Variants in TENM3 observed in about 807,000 individuals in gnomAD.
TENM3 encodes teneurin-3.
Under a neutral mutation model 255.1 loss-of-function variants are expected in TENM3, and 63 were observed. That is an observed-to-expected ratio of 0.25 (90% CI 0.20 to 0.30). The LOEUF is 0.30. Among genes scored for constraint, TENM3 ranks in the 10% least tolerant of loss-of-function variants. The probability of loss-of-function intolerance (pLI) is 1.00; values close to 1 mark genes in which losing one functional copy is unlikely to be tolerated. For synonymous variants in TENM3, 1,306 were observed against 1,322.3 expected (o/e 0.99, Z 0.27); for missense variants, 2,929 against 3,461.1 (o/e 0.85, Z 3.86).
chr4:182,393,832 T>C (rs1050453585), intron 3 of TENM3, among the ~76,000 whole-genome samples: 38 of 152,314 alleles, frequency 2.5e-4, no homozygotes, highest in African/African-American at 8.9e-4. Flanking sequence ...ACCTCTAATA[T>C]GCATTAACAG....
intron 1 of TENM3, among the ~76,000 whole-genome samples, chr4:182,156,380 CA>C (rs1272643962): frequency 1.3e-5 from 2 of 151,796 alleles, no homozygotes; most frequent in Non-Finnish European, 2.9e-5. Context: ...ATTTTAGATT[CA>C]GGGGTGCACA....
At chr4:182,012,940 A>G in the TENM3 span, 1 of 151,802 alleles carries the variant, frequency 6.6e-6, no homozygotes, top group Non-Finnish European at 1.5e-5. Flanking sequence ...CTTTTTTTTT[A>G]GAGCCCGTTT....
intron 3 of TENM3, among the ~76,000 whole-genome samples, chr4:182,509,166 C>G (rs1737127880): frequency 6.6e-6 from 1 of 152,170 alleles, no homozygotes; most frequent in African/African-American, 2.4e-5. Flanking sequence ...ATCCTGCAGT[C>G]TAGTATAAAT....
At chr4:182,445,771 T>C (rs935352845) in intron 3 of TENM3, among the ~76,000 whole-genome samples, 1 of 152,210 alleles carries the variant, frequency 6.6e-6, no homozygotes, top group African/African-American at 2.4e-5. Context: ...CACGTGGTTA[T>C]TCATTCACAA....
intron 3 of TENM3, among the ~76,000 whole-genome samples, chr4:182,356,358 G>A (rs912872709): frequency 1.3e-5 from 2 of 152,182 alleles, no homozygotes; most frequent in African/African-American, 2.4e-5. Flanking sequence ...TTCCAGTGAG[G>A]ATAATGTAGG....
the TENM3 span, among the ~76,000 whole-genome samples, chr4:182,041,550 C>T: frequency 6.6e-6 from 1 of 152,070 alleles, no homozygotes; most frequent in African/African-American, 2.4e-5. Context: ...CAATACTAAT[C>T]CCTTGTTATA....
chr4:182,232,520 T>C (rs1756645622), intron 1 of TENM3, among the ~76,000 whole-genome samples: 2 of 152,152 alleles, frequency 1.3e-5, no homozygotes, highest in Admixed American at 1.3e-4. Context: ...GGTCAAGAGA[T>C]GGAGACCATC....
At chr4:181,649,823 GTC>G in the TENM3 span, among the ~76,000 whole-genome samples, 2 of 152,194 alleles carry the variant, frequency 1.3e-5, no homozygotes, top group Non-Finnish European at 2.9e-5. Flanking sequence ...ATTGTCTACA[GTC>G]TCTGTGAAGT....
chr4:181,475,060 A>G, the TENM3 span, among the ~76,000 whole-genome samples: 13 of 152,224 alleles, frequency 8.5e-5, no homozygotes, highest in Non-Finnish European at 1.6e-4. Context: ...ATTTTATAAG[A>G]CAATATAATG....
intron 2 of TENM3, among the ~76,000 whole-genome samples, chr4:182,338,417 T>C (rs751968544): frequency 6.6e-6 from 1 of 152,170 alleles, no homozygotes; most frequent in African/African-American, 2.4e-5. Context: ...GATCTTCAAA[T>C]ATTTTCATCT....
intron 5 of TENM3, among the ~76,000 whole-genome samples, chr4:182,633,326 T>C (rs1036311840): frequency 6.6e-6 from 1 of 152,248 alleles, no homozygotes; most frequent in African/African-American, 2.4e-5. Flanking sequence ...GCCACTCTGA[T>C]AGATGTCAGA....
intron 1 of TENM3, among the ~76,000 whole-genome samples, chr4:182,148,001 T>C (rs186679938): frequency 6.6e-6 from 1 of 152,284 alleles, no homozygotes; most frequent in Admixed American, 6.5e-5. Flanking sequence ...ACAGACCTGA[T>C]GGAAATTTTG....
At chr4:182,694,504 A>G (rs183469580) in intron 12 of TENM3, among the ~76,000 whole-genome samples, 2 of 152,314 alleles carry the variant, frequency 1.3e-5, no homozygotes. Context: ...ACAGAGTTGT[A>G]TATTGAGCTA....
At chr4:181,512,623 G>A in the TENM3 span, among the ~76,000 whole-genome samples, 10 of 152,246 alleles carry the variant, frequency 6.6e-5, no homozygotes, top group East Asian at 9.6e-4. Flanking sequence ...TAACTCATTT[G>A]TCACCCAGGC....
the TENM3 span, among the ~76,000 whole-genome samples, chr4:182,010,049 A>C: frequency 6.8e-6 from 1 of 146,780 alleles, no homozygotes; most frequent in African/African-American, 2.4e-5. Flanking sequence ...TGATGAGTGA[A>C]CCTGGATACT....
At chr4:182,659,423 G>C (rs1258442003) in intron 6 of TENM3, among the ~76,000 whole-genome samples, 1 of 152,072 alleles carries the variant, frequency 6.6e-6, no homozygotes, top group Non-Finnish European at 1.5e-5. Flanking sequence ...AGCTATCATA[G>C]GCATGGATGT....
At chr4:181,968,054 C>T in the TENM3 span, among the ~76,000 whole-genome samples, 2 of 152,158 alleles carry the variant, frequency 1.3e-5, no homozygotes, top group African/African-American at 4.8e-5. Context: ...TCTTGCTGAA[C>T]GCTGACAGAC....
At chr4:182,472,131 AT>A (rs1384654727) in intron 3 of TENM3, among the ~76,000 whole-genome samples, 1 of 152,170 alleles carries the variant, frequency 6.6e-6, no homozygotes, top group Non-Finnish European at 1.5e-5. Context: ...TGAACTTTTT[AT>A]TATTCTGCCT....
chr4:181,977,610 A>AAG, the TENM3 span, among the ~76,000 whole-genome samples: 1 of 152,186 alleles, frequency 6.6e-6, no homozygotes, highest in African/African-American at 2.4e-5. Flanking sequence ...AAAGCAATAA[A>AAG]AGAGAGAGAG....
Sources: gnomAD v4.1 joint callset for allele counts (sites outside exome capture counted in the v4.1 genomes callset) on GRCh38, gnomAD v4.1.1 for gene constraint, MANE v1.5 for transcripts, NCBI Gene and HGNC (gene_info 2026-07-23, HGNC 2026-07-21) for gene names.